Variants in OLR1 observed in about 807,000 individuals in gnomAD.
OLR1 encodes the protein oxidized low-density lipoprotein receptor 1.
A neutral mutation model predicts 31.7 loss-of-function variants in OLR1; 23 were observed. The observed-to-expected ratio is 0.72, with a 90% CI of 0.52 to 1.03. The LOEUF (loss-of-function observed/expected upper bound fraction) is 1.03. OLR1 is among the 50% of genes least tolerant of loss of function. The probability of loss-of-function intolerance (pLI) is 0.00; values close to 1 mark genes in which losing one functional copy is unlikely to be tolerated. For missense variants in OLR1, 286 were observed against 315.7 expected, an observed-to-expected ratio of 0.91 and a Z score of 0.71; for synonymous variants, 117 against 115.8, an observed-to-expected ratio of 1.01 and a Z score of -0.07.
At chr12:10,173,281 G>T (rs183019759), upstream of OLR1, among the ~76,000 whole-genome samples, 420 of 151,458 alleles carry the variant, frequency 2.8e-3, no homozygotes, top group Non-Finnish European at 4.6e-3. Context: ...TATGATATCT[G>T]GCATTTACTT....
chr12:10,171,257 A>G (rs1048386504), intron 1 of OLR1, among the ~76,000 whole-genome samples: 2 of 152,320 alleles, frequency 1.3e-5, no homozygotes, highest in Admixed American at 6.5e-5. Flanking sequence ...AATTTCTGAC[A>G]ATACTTGTCT....
chr12:10,166,197 C>A (rs1948660344), intron 3 of OLR1, among the ~76,000 whole-genome samples: 1 of 151,764 alleles, frequency 6.6e-6, no homozygotes, highest in Non-Finnish European at 1.5e-5. Flanking sequence ...GGTGACAGAG[C>A]AAGACTCCGT....
intron 1 of OLR1, 86 bp from the exon 2 acceptor site, chr12:10,169,261 G>T: frequency 1.2e-6 from 1 of 857,780 alleles, no homozygotes; most frequent in Non-Finnish European, 1.8e-6. Context: ...TGTACTTGGT[G>T]ATTTACTCTG....
intron 3 of OLR1, among the ~76,000 whole-genome samples, chr12:10,166,256 G>T (rs548573478): frequency 6.6e-6 from 1 of 151,928 alleles, no homozygotes; most frequent in African/African-American, 2.4e-5. Flanking sequence ...GACCGAGAGC[G>T]GTGGCTCATG....
rs1174361997 is a variant in OLR1, at chr12:10,169,275, A to T, written c.77-100T>A. The stretch of plus-strand genomic sequence containing the variant: ...CTGTACTTGGTGATTTACTCTGTTT[A>T]TGTTTTAGTAAATAGACATAAATAG... On this transcript the variant is annotated intron_variant, in intron 1 of 5. Coordinates refer to ENST00000309539, the MANE Select transcript of OLR1 (RefSeq NM_002543.4). The T allele has an allele frequency of 8.2e-6, 6 of 733,502 alleles. No homozygotes were observed. The African/African-American group carries it at 1.1e-4, about 13-fold the overall frequency. The allele number at this position is 733,502 out of a possible 1,614,324, so 45.4% of individuals were successfully genotyped here.
chr12:10,161,438 A>G (rs892018834), intron 3 of OLR1, among the ~76,000 whole-genome samples: 3 of 152,220 alleles, frequency 2.0e-5, no homozygotes, highest in Admixed American at 6.5e-5. Flanking sequence ...AATGCTATGC[A>G]TTTTAAAATT....
intron 1 of OLR1, chr12:10,170,491 C>CT (rs11377412): frequency 0.81 from 93,960 of 116,354 alleles, 38,850 homozygotes; most frequent in Middle Eastern, 0.91. Flanking sequence ...TCATCGTGCT[C>CT]TTTTTTTTTT....
Position 10,159,787 on chromosome 12 carries a change from G to T in OLR1, c.*93C>A. ...CAGCCAGCTAAATGACAGTTTTCTG[G>T]GCTCTCATGTTTGGCACCCAAGTGA... is the stretch of plus-strand genomic sequence containing the variant. On this transcript the variant is annotated 3_prime_UTR_variant, in exon 6 of 6. Transcript: ENST00000309539. The T allele has an allele frequency of 1.5e-6, 2 of 1,293,856 alleles. No homozygotes were observed. The highest frequency in any genetic ancestry group is 1.5e-5 in the African/African-American group (1 of 68,140). 80.1% of individuals were successfully genotyped at this position (1,293,856 alleles called of 1,614,324 possible). A position where few individuals can be genotyped will look rare whatever the true frequency, so the allele number is the denominator to read the frequency against.
intron 1 of OLR1, among the ~76,000 whole-genome samples, chr12:10,169,527 A>G (rs536998184): frequency 6.6e-6 from 1 of 152,238 alleles, no homozygotes. Flanking sequence ...AGAAACTCAC[A>G]GTCTAGCTTG....
intron 3 of OLR1, among the ~76,000 whole-genome samples, chr12:10,163,368 C>G (rs1406083400): frequency 6.6e-6 from 1 of 152,112 alleles, no homozygotes; most frequent in East Asian, 1.9e-4. Flanking sequence ...CCACTTTTAA[C>G]AATCTATTTA....
chr12:10,173,989 C>A (rs1289202823), upstream of OLR1, among the ~76,000 whole-genome samples: 2 of 152,142 alleles, frequency 1.3e-5, no homozygotes. Flanking sequence ...TTTTCATCTT[C>A]CCCAACTGAA....
chr12:10,163,792 G>A (rs1430034858), intron 3 of OLR1, among the ~76,000 whole-genome samples: 4 of 152,012 alleles, frequency 2.6e-5, no homozygotes, highest in African/African-American at 7.2e-5. Flanking sequence ...TTAGCTGGGC[G>A]TGGTGGCAGG....
intron 4 of OLR1, 75 bp downstream of exon 4, chr12:10,160,711 C>A: frequency 6.5e-7 from 1 of 1,549,142 alleles, no homozygotes; most frequent in Non-Finnish European, 8.8e-7. Flanking sequence ...AAGAATTCCT[C>A]CAGTGACAGT....
chr12:10,174,593 G>A (rs1051926155), upstream of OLR1, among the ~76,000 whole-genome samples: 43 of 152,252 alleles, frequency 2.8e-4, no homozygotes, highest in Admixed American at 1.2e-3. Context: ...TTCTCCACTC[G>A]CTGGCCGAGT....
At chr12:10,164,012 G>T (rs753953840) in intron 3 of OLR1, among the ~76,000 whole-genome samples, 15 of 152,136 alleles carry the variant, frequency 9.9e-5, no homozygotes, top group Non-Finnish European at 2.1e-4. Context: ...ACACTGTCAA[G>T]GAATGGAACA....
Position 10,159,621 on chromosome 12 carries a change from A to T in OLR1, c.*259T>A, listed in dbSNP as rs1293352545. On this transcript the variant is annotated 3_prime_UTR_variant, in exon 6 of 6. Transcript: ENST00000309539. ...AAGCTTGAAGAGGAGTCAAATTTTAAAATAAAAAGGGGAAAATGGACTTCA... is the reference window on the plus strand; with the variant it reads ...AAGCTTGAAGAGGAGTCAAATTTTATAATAAAAAGGGGAAAATGGACTTCA... 13 of 307,236 alleles carry T rather than the reference A, an allele frequency of 4.2e-5. No individual in the cohort carries two copies. Among genetic ancestry groups the T allele is most frequent in the Non-Finnish European group, 1.9e-5 (3 of 160,464 alleles). The allele number at this position is 307,236 out of a possible 1,614,324, so 19.0% of individuals were successfully genotyped here. A position where few individuals can be genotyped will look rare whatever the true frequency, so the allele number is the denominator to read the frequency against.
chr12:10,174,051 TG>T (rs1269050597), upstream of OLR1, among the ~76,000 whole-genome samples: 1 of 151,300 alleles, frequency 6.6e-6, no homozygotes, highest in African/African-American at 2.4e-5. Context: ...TCATGTGTTT[TG>T]TTTGTTTGTT....
chr12:10,162,506 C>G (rs1466911722), intron 3 of OLR1, among the ~76,000 whole-genome samples: 1 of 152,192 alleles, frequency 6.6e-6, no homozygotes, highest in Non-Finnish European at 1.5e-5. Flanking sequence ...GTTTGCCTAA[C>G]CCCATCATAT....
intron 2 of OLR1, 26 bp downstream of exon 2, chr12:10,169,048 C>T (rs762891383): frequency 1.3e-6 from 2 of 1,523,012 alleles, no homozygotes; most frequent in Admixed American, 1.9e-5. Context: ...CCCCAATAAA[C>T]ATCAGTTCCG....
Sources: gnomAD v4.1 joint callset for allele counts (sites outside exome capture counted in the v4.1 genomes callset) on GRCh38, gnomAD v4.1.1 for gene constraint, MANE v1.5 for transcripts, NCBI Gene and HGNC (gene_info 2026-07-23, HGNC 2026-07-21) for gene names.